HNRNPA3: variants seen among roughly 807,000 people sequenced by gnomAD.
HNRNPA3 encodes the protein epididymis secretory sperm binding protein.
In HNRNPA3, 3 loss-of-function variants were observed where a neutral mutation model predicts 45.8. That is an observed-to-expected ratio of 0.07 (90% confidence interval 0.03 to 0.17). The LOEUF is 0.17. Among genes scored for constraint, HNRNPA3 ranks in the 10% least tolerant of loss-of-function variants. The pLI is 1.00. For synonymous variants in HNRNPA3, 170 were observed against 155.6 expected (o/e 1.09, Z -0.69); for missense variants, 183 against 480.3 (o/e 0.38, Z 5.79).
intron 1 of HNRNPA3, among the ~76,000 whole-genome samples, chr2:177,214,937 CAG>C (rs1688866293): frequency 6.6e-6 from 1 of 152,190 alleles, no homozygotes; most frequent in Non-Finnish European, 1.5e-5. Context: ...TAAAGGTTCT[CAG>C]ACAGTTGTAG....
chr2:177,219,343 G>T, intron 10 of HNRNPA3, 29 bp downstream of exon 10: 1 of 1,496,646 alleles, frequency 6.7e-7, no homozygotes. Flanking sequence ...TTATTATGAT[G>T]ATAAAAGAAT....
intron 4 of HNRNPA3, 28 bp from the exon 5 acceptor site, chr2:177,216,475 T>G (rs753026676): frequency 4.8e-4 from 741 of 1,532,168 alleles, no homozygotes; most frequent in Non-Finnish European, 6.0e-4. Flanking sequence ...AATAACTTTT[T>G]GTTTTGTTTG....
intron 4 of HNRNPA3, 93 bp from the exon 5 acceptor site, chr2:177,216,404 ATGTCTT>A: frequency 1.2e-6 from 1 of 848,124 alleles, no homozygotes; most frequent in Non-Finnish European, 1.9e-6. Context: ...CTACCTGATT[ATGTCTT>A]AATGGGTTAC....
Position 177,215,958 on chromosome 2 carries a change from A to C in HNRNPA3, c.343-20A>C. On this transcript the variant is annotated intron_variant, in intron 3 of 10. Coordinates refer to ENST00000392524, the Ensembl canonical transcript of HNRNPA3. Reference sequence around the variant, plus strand: ...TTGTGAAAGTTTGTTTCTTGACTTAATATATTACTTTATTTGTAGGATTCT... The same window carrying C: ...TTGTGAAAGTTTGTTTCTTGACTTACTATATTACTTTATTTGTAGGATTCT... 4 of 1,600,632 alleles carry C rather than the reference A, an allele frequency of 2.5e-6. No homozygotes were observed. Among genetic ancestry groups the C allele is most frequent in the Non-Finnish European group, 3.4e-6 (4 of 1,175,856 alleles).
chr2:177,222,391 ACTC>A (rs1182341484), downstream of HNRNPA3: 1 of 152,170 alleles, frequency 6.6e-6, no homozygotes, highest in Non-Finnish European at 1.5e-5. Flanking sequence ...TTCAGGGTAA[ACTC>A]AATTTTTGGT....
exon 4 of HNRNPA3, chr2:177,215,986 A>G (rs550994057): frequency 6.2e-7 from 1 of 1,601,186 alleles, no homozygotes; most frequent in East Asian, 2.2e-5. Context: ...AGGATTCTGT[A>G]AAGCCTGGTG....
downstream of HNRNPA3, chr2:177,223,025 T>A (rs1410765418): frequency 6.6e-6 from 1 of 152,574 alleles, no homozygotes; most frequent in African/African-American, 2.4e-5. Flanking sequence ...CTGTTTTTGC[T>A]GCCCCAAAAG....
At chr2:177,218,476 C>A (rs756196708) in intron 8 of HNRNPA3, among the ~76,000 whole-genome samples, 2 of 151,760 alleles carry the variant, frequency 1.3e-5, no homozygotes, top group Non-Finnish European at 2.9e-5. Flanking sequence ...TACTTAACTC[C>A]TTGGTACTTT....
chr2:177,214,900 A>G (rs944916331), intron 1 of HNRNPA3, among the ~76,000 whole-genome samples: 30 of 152,346 alleles, frequency 2.0e-4, no homozygotes, highest in African/African-American at 7.2e-4. Flanking sequence ...AGTGCCTTAG[A>G]AAATGACTTA....
intron 1 of HNRNPA3, among the ~76,000 whole-genome samples, chr2:177,214,128 T>C (rs775476719): frequency 1.6e-4 from 25 of 152,258 alleles, no homozygotes; most frequent in South Asian, 1.0e-3. Flanking sequence ...TAAATGACAG[T>C]TCATGCAATG....
chr2:177,222,329 T>C (rs2105441603), downstream of HNRNPA3: 1 of 152,338 alleles, frequency 6.6e-6, no homozygotes, highest in African/African-American at 2.4e-5. Context: ...GCCATAAGTA[T>C]TCATATCAAG....
At chr2:177,213,615 A>G (rs1688788140) in intron 1 of HNRNPA3, among the ~76,000 whole-genome samples, 1 of 152,256 alleles carries the variant, frequency 6.6e-6, no homozygotes, top group South Asian at 2.1e-4. Flanking sequence ...TTAAACCGCC[A>G]TGTGGGCGAA....
chr2:177,218,052 CTTTTTTTTTTTTTTTTT>C (rs58476089), intron 8 of HNRNPA3, among the ~76,000 whole-genome samples: 1 of 102,190 alleles, frequency 9.8e-6, no homozygotes. Context: ...TCTCTTTTTT[CTTTTTTTTTTTTTTTTT>C]TTTTTTTTTT....
intron 1 of HNRNPA3, 132 bp downstream of exon 1, chr2:177,213,003 G>A: frequency 1.8e-6 from 1 of 552,968 alleles, no homozygotes; most frequent in Non-Finnish European, 3.0e-6. Context: ...GTGGGAGGGG[G>A]AGGGGAGCGA....
At chr2:177,219,813 C>T (rs1689111331) in exon 11 of HNRNPA3, 2 of 152,684 alleles carry the variant, frequency 1.3e-5, no homozygotes, top group Non-Finnish European at 2.9e-5. Context: ...CATTTTAGTA[C>T]AGAAACTTTA....
intron 1 of HNRNPA3, among the ~76,000 whole-genome samples, chr2:177,213,973 T>G (rs528333533): frequency 6.6e-6 from 1 of 152,386 alleles, no homozygotes; most frequent in African/African-American, 2.4e-5. Context: ...CTTTAGGCTA[T>G]TAACGTTTTT....
chr2:177,213,203 G>GGGGGA lies in HNRNPA3; in HGVS notation c.72+343_72+347dup, dbSNP rs1269970640. ...GCGGGAGCGGTTGGGAGGAGGTGGT[G>GGGGGA]GGGGAGGGGAGGGGACGAGCAGGCA... On this transcript the variant is annotated intron_variant, in intron 1 of 10. Transcript: ENST00000392524. Among the ~76,000 whole-genome samples the GGGGGA allele has an allele frequency of 2.0e-4, 31 of 152,286 alleles. 1 individual carries two copies. The highest frequency in any genetic ancestry group is 7.5e-4 in the African/African-American group (31 of 41,566).
downstream of HNRNPA3, chr2:177,221,668 GCA>G (rs1558972799): frequency 6.6e-6 from 1 of 152,608 alleles, no homozygotes; most frequent in Non-Finnish European, 1.5e-5. Flanking sequence ...TGCTTTTTAA[GCA>G]CAGTGTGGAT....
At chr2:177,214,217 T>C (rs982523143) in intron 1 of HNRNPA3, among the ~76,000 whole-genome samples, 1 of 152,280 alleles carries the variant, frequency 6.6e-6, no homozygotes, top group Non-Finnish European at 1.5e-5. Context: ...TGTTTTGCTG[T>C]ACTCCGTTCT....
Sources: allele counts gnomAD v4.1 joint callset (sites outside exome capture counted in the v4.1 genomes callset), GRCh38; gene constraint gnomAD v4.1.1; transcripts MANE v1.5; gene names NCBI Gene and HGNC (gene_info 2026-07-23, HGNC 2026-07-21).